The following NLGN1 variants were observed in gnomAD, a reference collection of about 807,000 sequenced individuals.
The protein encoded by NLGN1 is neuroligin-1.
NLGN1 carries 12 observed loss-of-function variants against 65.5 expected under a neutral mutation model. That is an observed-to-expected ratio of 0.18 (90% confidence interval 0.12 to 0.30). NLGN1 has a LOEUF of 0.30. NLGN1 is among the 10% of genes least tolerant of loss of function. The pLI is 1.00. For synonymous variants in NLGN1, 350 were observed against 359.5 expected, an observed-to-expected ratio of 0.97 and a Z score of 0.30; for missense variants, 750 against 1,007.1, an observed-to-expected ratio of 0.74 and a Z score of 3.46.
chr3:173,886,453 T>C (rs192360505), intron 4 of NLGN1, among the ~76,000 whole-genome samples: 1 of 152,204 alleles, frequency 6.6e-6, no homozygotes, highest in Non-Finnish European at 1.5e-5. Context: ...TTTACATTTT[T>C]TCAGCAGTAG....
rs16830622 is a variant in NLGN1 at position 173,802,028 on chromosome 3, A to G, written c.494-5652A>G. On this transcript the variant is annotated intron_variant, in intron 3 of 6. Coordinates refer to ENST00000457714, the Ensembl canonical transcript of NLGN1. The stretch of plus-strand genomic sequence containing the variant: ...TTGTTATCTAAATAATACTGAAAGC[A>G]TACAGGACTTCTTCATGTGTATCTT... 0.032 allele frequency among the ~76,000 whole-genome samples: 4,898 copies of G among 152,216 alleles called. 513 individuals carry two copies. In the East Asian group the frequency reaches 0.37, roughly 11 times the overall value.
At chr3:173,650,157 A>G (rs1202443453) in intron 3 of NLGN1, among the ~76,000 whole-genome samples, 1 of 151,916 alleles carries the variant, frequency 6.6e-6, no homozygotes, top group Non-Finnish European at 1.5e-5. Flanking sequence ...AACTTAATAC[A>G]TCTTAGATGT....
At chr3:173,635,181 T>C (rs1047037092) in intron 3 of NLGN1, among the ~76,000 whole-genome samples, 2 of 152,166 alleles carry the variant, frequency 1.3e-5, no homozygotes, top group African/African-American at 4.8e-5. Flanking sequence ...TGCCCTTTGC[T>C]TCTTATATAC....
intron 4 of NLGN1, among the ~76,000 whole-genome samples, chr3:174,268,876 G>A (rs997987404): frequency 2.6e-5 from 4 of 151,428 alleles, no homozygotes; most frequent in African/African-American, 9.7e-5. Flanking sequence ...AGAACAAATT[G>A]ATAAATAGAT....
intron 4 of NLGN1, among the ~76,000 whole-genome samples, chr3:174,115,976 A>C (rs957736885): frequency 6.6e-6 from 1 of 152,176 alleles, no homozygotes; most frequent in South Asian, 2.1e-4. Flanking sequence ...TCCCATAGTG[A>C]ATTGTGCATA....
At chr3:173,674,451 A>C (rs897492727) in intron 3 of NLGN1, among the ~76,000 whole-genome samples, 2 of 152,122 alleles carry the variant, frequency 1.3e-5, no homozygotes, top group Non-Finnish European at 2.9e-5. Context: ...AATTTAGCCA[A>C]CATCTGGGTG....
chr3:173,604,071 T>C (rs1750984881), intron 2 of NLGN1, among the ~76,000 whole-genome samples: 1 of 152,152 alleles, frequency 6.6e-6, no homozygotes, highest in African/African-American at 2.4e-5. Context: ...TGTAAATGTA[T>C]ATAAAGTCAG....
chr3:173,993,545 G>A (rs1721579721), intron 4 of NLGN1, among the ~76,000 whole-genome samples: 1 of 152,046 alleles, frequency 6.6e-6, no homozygotes, highest in Admixed American at 6.6e-5. Flanking sequence ...GAATGCTATG[G>A]TAACTTTTGG....
intron 3 of NLGN1, among the ~76,000 whole-genome samples, chr3:173,645,918 C>T (rs889255876): frequency 6.6e-6 from 1 of 152,172 alleles, no homozygotes. Flanking sequence ...TTTGAGCTTG[C>T]TCCTTAAACA....
chr3:173,905,452 T>C lies in NLGN1; in HGVS notation c.646+97620T>C, dbSNP rs897886292. On this transcript the variant is annotated intron_variant, in intron 4 of 6. Coordinates refer to ENST00000457714, the Ensembl canonical transcript of NLGN1. ...ACTGAGAAAGAGCTCTGGTCCATCA[T>C]GTATTCCACAGACAAGGGAAGGGAA... Among the ~76,000 whole-genome samples, 3 of 152,224 alleles carry C rather than the reference T, an allele frequency of 2.0e-5. No homozygotes were observed. In the South Asian group the frequency reaches 6.2e-4, roughly 31 times the overall value.
intron 3 of NLGN1, among the ~76,000 whole-genome samples, chr3:173,637,845 A>G (rs775698737): frequency 9.2e-5 from 14 of 152,186 alleles, no homozygotes; most frequent in Non-Finnish European, 1.3e-4. Context: ...ATAAACTTCA[A>G]TTAGTATTTT....
At chr3:174,080,356 A>C (rs1262979613) in intron 4 of NLGN1, among the ~76,000 whole-genome samples, 2 of 152,232 alleles carry the variant, frequency 1.3e-5, no homozygotes, top group Non-Finnish European at 2.9e-5. Flanking sequence ...CAAATTTTAC[A>C]GGAGTGAAAG....
At position 174,279,338 on chromosome 3, in the gene NLGN1, G is replaced by C. The variant is rs767144342; in HGVS notation, c.1337G>C (p.Arg446Pro). 13 of 1,613,266 alleles carry C rather than the reference G, an allele frequency of 8.1e-6. No homozygotes were observed. The highest frequency in any genetic ancestry group is 1.1e-5 in the Non-Finnish European group (13 of 1,179,588). The stretch of plus-strand genomic sequence containing the variant: ...TTCATGTATACTGACTGGGCTGACC[G>C]TCATAACCCTGAAACCAGAAGAAAG... Residue 446 changes from arginine (R) to proline (P), a missense_variant, in exon 6 of 7, where the codon CGT becomes CCT. Coordinates refer to ENST00000457714, the Ensembl canonical transcript of NLGN1. This position sits in a 1 kb window ranked among gnomAD's most constrained non-coding sequence, Gnocchi z 4.7.
intron 3 of NLGN1, among the ~76,000 whole-genome samples, chr3:173,671,492 C>G (rs1285692280): frequency 6.6e-6 from 1 of 152,132 alleles, no homozygotes; most frequent in African/African-American, 2.4e-5. Flanking sequence ...AGAATTGAAT[C>G]ATTTTACCTT....
At chr3:173,397,223 C>G (rs548529570), upstream of NLGN1, among the ~76,000 whole-genome samples, 1 of 152,146 alleles carries the variant, frequency 6.6e-6, no homozygotes, top group Non-Finnish European at 1.5e-5. Flanking sequence ...CCTTCCGTTT[C>G]TGCATAAAAC....
intron 4 of NLGN1, among the ~76,000 whole-genome samples, chr3:174,079,429 T>C (rs1007879605): frequency 6.6e-6 from 1 of 152,204 alleles, no homozygotes. Flanking sequence ...GGAATCCTTA[T>C]ACACTGTTGG....
chr3:173,398,259 C>T (rs1012946699), upstream of NLGN1, among the ~76,000 whole-genome samples: 1 of 152,102 alleles, frequency 6.6e-6, no homozygotes, highest in Non-Finnish European at 1.5e-5. Context: ...TTGGTTCCGC[C>T]GGTTAGTTTG....
chr3:173,552,876 A>G (rs1044543869), intron 2 of NLGN1, among the ~76,000 whole-genome samples: 3 of 152,240 alleles, frequency 2.0e-5, no homozygotes, highest in Non-Finnish European at 4.4e-5. Context: ...GTGGAAAAAC[A>G]TGCTATATTT....
At chr3:173,782,323 A>G (rs1487784013) in intron 3 of NLGN1, among the ~76,000 whole-genome samples, 1 of 152,206 alleles carries the variant, frequency 6.6e-6, no homozygotes, top group Non-Finnish European at 1.5e-5. Context: ...CAGCAAATTA[A>G]TTGAATGCAT....
Sources: allele counts gnomAD v4.1 joint callset (sites outside exome capture counted in the v4.1 genomes callset), GRCh38; gene constraint gnomAD v4.1.1; non-coding constraint Gnocchi (gnomAD v3.1); transcripts MANE v1.5; gene names NCBI Gene and HGNC (gene_info 2026-07-23, HGNC 2026-07-21).